The following SVOPL variants were observed in gnomAD, a reference collection of about 807,000 sequenced individuals.
SVOPL encodes the protein SVOP like.
In SVOPL, 60 loss-of-function variants were observed where a neutral mutation model predicts 61.0. The ratio of observed to expected loss-of-function variants is 0.98; its 90% CI spans 0.80 to 1.22. The LOEUF (loss-of-function observed/expected upper bound fraction) is 1.22. SVOPL is among the 50% of genes most tolerant of loss of function. The pLI is 0.00. For synonymous variants in SVOPL, 279 were observed against 250.0 expected (o/e 1.12, Z -1.09); for missense variants, 662 against 643.9 (o/e 1.03, Z -0.30).
intron 13 of SVOPL, among the ~76,000 whole-genome samples, chr7:138,621,882 CTATCTATCTATCTATCTATCTATG>C (rs1799597613): frequency 3.8e-5 from 2 of 52,112 alleles, no homozygotes; most frequent in African/African-American, 7.3e-5. Flanking sequence ...ATCTATCTAT[CTATCTATCTATCTATCTATCTATG>C]TATCTATCTA....
intron 13 of SVOPL, among the ~76,000 whole-genome samples, chr7:138,625,607 A>G (rs1799855864): frequency 6.6e-6 from 1 of 152,348 alleles, no homozygotes; most frequent in Admixed American, 6.5e-5. Flanking sequence ...GGGATCTTCC[A>G]AAAGAGTAAA....
intron 8 of SVOPL, chr7:138,646,106 G>A (rs1233890675): frequency 1.6e-5 from 3 of 189,636 alleles, no homozygotes; most frequent in East Asian, 3.3e-4. Flanking sequence ...GAGCTACCGC[G>A]CCCGGCTGGC....
chr7:138,664,805 G>GCCACCCCGGCGCTCGACCCTTCCCC (rs1207475641), intron 4 of SVOPL, among the ~76,000 whole-genome samples: 1 of 61,716 alleles, frequency 1.6e-5, no homozygotes, highest in African/African-American at 6.7e-5. Context: ...TTCCTCCTCC[G>GCCACCCCGGCGCTCGACCCTTCCCC]CCACCCCGGC....
chr7:138,611,901 A>G (rs1480382601), intron 14 of SVOPL, among the ~76,000 whole-genome samples: 392 of 25,220 alleles, frequency 0.016, no homozygotes, highest in Non-Finnish European at 0.019. Flanking sequence ...GGTGTGCCCA[A>G]CAGCTCATTG....
intron 6 of SVOPL, among the ~76,000 whole-genome samples, chr7:138,658,071 A>G (rs1012796127): frequency 6.6e-6 from 1 of 152,152 alleles, no homozygotes; most frequent in Non-Finnish European, 1.5e-5. Flanking sequence ...TCTTGGTTTT[A>G]GTGGGTTTAG....
At chr7:138,675,803 C>CT (rs1447959337) in intron 3 of SVOPL, among the ~76,000 whole-genome samples, 1 of 152,086 alleles carries the variant, frequency 6.6e-6, no homozygotes, top group Non-Finnish European at 1.5e-5. Context: ...TCCATTCTGT[C>CT]TGATTATCAT....
At chr7:138,677,450 G>A (rs992071969) in intron 3 of SVOPL, among the ~76,000 whole-genome samples, 16 of 152,064 alleles carry the variant, frequency 1.1e-4, no homozygotes, top group African/African-American at 3.4e-4. Context: ...CTTACTTTCC[G>A]ATTTGGCATA....
intron 7 of SVOPL, among the ~76,000 whole-genome samples, chr7:138,653,818 A>T (rs997404162): frequency 2.0e-5 from 3 of 152,052 alleles, no homozygotes; most frequent in African/African-American, 7.2e-5. Flanking sequence ...CTGTAATCCC[A>T]GCTACTCAGG....
chr7:138,618,304 A>ATC (rs1350930117), intron 14 of SVOPL, among the ~76,000 whole-genome samples: 1 of 152,118 alleles, frequency 6.6e-6, no homozygotes, highest in African/African-American at 2.4e-5. Context: ...ACATTTATTC[A>ATC]TCTCATTTCA....
chr7:138,617,897 G>A (rs571446830), intron 14 of SVOPL, among the ~76,000 whole-genome samples: 1 of 152,294 alleles, frequency 6.6e-6, no homozygotes, highest in African/African-American at 2.4e-5. Flanking sequence ...GCATCTGTGA[G>A]TGGAATCCAA....
At chr7:138,608,012 C>T (rs987285738) in intron 14 of SVOPL, among the ~76,000 whole-genome samples, 1 of 151,976 alleles carries the variant, frequency 6.6e-6, no homozygotes, top group African/African-American at 2.4e-5. Flanking sequence ...CAATCCATTC[C>T]TAATAACAAC....
At position 138,661,168 on chromosome 7, in the gene SVOPL, C is replaced by G. The variant is rs568006840; in HGVS notation, c.346-1180G>C. The stretch of plus-strand genomic sequence containing the variant: ...AGATTCCTCCATTTGTGTTTATGCT[C>G]AGAGAGGATTTCACCAGAAATCAAG... On this transcript the variant is annotated intron_variant, in intron 5 of 15. Coordinates refer to ENST00000674285, the MANE Select transcript of SVOPL (RefSeq NM_001139456.2). 26 of 985,286 alleles carry G rather than the reference C, an allele frequency of 2.6e-5. 1 individual carries two copies. The South Asian group carries it at 1.1e-3, about 41-fold the overall frequency. The allele number at this position is 985,286 out of a possible 1,614,324, so 61.0% of individuals were successfully genotyped here. A position where few individuals can be genotyped will look rare whatever the true frequency, so the allele number is the denominator to read the frequency against.
chr7:138,615,227 G>A (rs111538387), intron 14 of SVOPL, among the ~76,000 whole-genome samples: 7,611 of 152,106 alleles, frequency 0.05, 224 homozygotes, highest in Middle Eastern at 0.11. Flanking sequence ...GGTCATGATG[G>A]TGGAGCACTC....
At chr7:138,637,248 T>A (rs1800510218) in intron 9 of SVOPL, among the ~76,000 whole-genome samples, 7 of 151,900 alleles carry the variant, frequency 4.6e-5, no homozygotes, top group Admixed American at 4.6e-4. Context: ...CCCAACATGG[T>A]GAAACCCCAA....
At chr7:138,661,657 T>A in intron 5 of SVOPL, 4 of 952,892 alleles carry the variant, frequency 4.2e-6, no homozygotes, top group Non-Finnish European at 5.0e-6. Flanking sequence ...AGATGTAGAA[T>A]CAGCTGATAG....
At chr7:138,682,699 TG>T (rs1223155181) in intron 1 of SVOPL, among the ~76,000 whole-genome samples, 4 of 152,152 alleles carry the variant, frequency 2.6e-5, no homozygotes, top group African/African-American at 9.6e-5. Context: ...CTGGGTGCAG[TG>T]GCTCACCTCT....
At chr7:138,597,405 G>A (rs1318266226) in intron 14 of SVOPL, among the ~76,000 whole-genome samples, 1 of 152,074 alleles carries the variant, frequency 6.6e-6, no homozygotes, top group Non-Finnish European at 1.5e-5. Context: ...ACAGCCTAGT[G>A]TTACCACCAC....
chr7:138,680,735 C>T (rs189984597), intron 1 of SVOPL, among the ~76,000 whole-genome samples: 3 of 152,094 alleles, frequency 2.0e-5, no homozygotes, highest in East Asian at 3.9e-4. Flanking sequence ...CCCGCCACCA[C>T]GCCCGGCTAA....
At chr7:138,675,343 C>A (rs1421382133) in intron 3 of SVOPL, among the ~76,000 whole-genome samples, 2 of 152,020 alleles carry the variant, frequency 1.3e-5, no homozygotes, top group Non-Finnish European at 2.9e-5. Flanking sequence ...ATCACACAAC[C>A]CTTTATTTTT....
Sources: gnomAD v4.1 joint callset for allele counts (sites outside exome capture counted in the v4.1 genomes callset) on GRCh38, gnomAD v4.1.1 for gene constraint, MANE v1.5 for transcripts, NCBI Gene and HGNC (gene_info 2026-07-23, HGNC 2026-07-21) for gene names.